Variants in ENO3 observed in about 807,000 individuals in gnomAD.
The protein encoded by ENO3 is enolase 3.
Under a neutral mutation model 47.7 loss-of-function variants are expected in ENO3, and 46 were observed. The observed-to-expected ratio is 0.96, with a 90% CI of 0.76 to 1.23. The LOEUF is 1.23. Among genes scored for constraint, ENO3 ranks in the 50% most tolerant of loss-of-function variants. ENO3 has a pLI of 0.00. For missense variants in ENO3, 575 were observed against 566.2 expected (o/e 1.02, Z -0.16); for synonymous variants, 223 against 225.9 (o/e 0.99, Z 0.11).
chr17:4,955,615 C>G lies in ENO3; in HGVS notation c.865+11C>G. 6.2e-7 allele frequency: 1 copy of G among 1,614,148 alleles called. No individual in the cohort carries two copies. Among genetic ancestry groups the G allele is most frequent in the Non-Finnish European group, 8.5e-7 (1 of 1,180,000 alleles). The stretch of plus-strand genomic sequence containing the variant: ...TCAAGAACTATCCTGGTGAGGCGTT[C>G]GGGTGTCCCAGTGTTCCTGCCCGAA... On this transcript the variant is annotated intron_variant, in intron 8 of 11. Coordinates refer to ENST00000519602, the MANE Select transcript of ENO3 (RefSeq NM_053013.4).
chr17:4,954,999 C>A, intron 6 of ENO3, 76 bp from the exon 7 acceptor site: 1 of 1,421,226 alleles, frequency 7.0e-7, no homozygotes, highest in Non-Finnish European at 9.7e-7. Context: ...GGTTTCCACC[C>A]CAACACCCCC....
chr17:4,952,956 A>G, intron 3 of ENO3, 66 bp downstream of exon 3: 2 of 1,610,130 alleles, frequency 1.2e-6, no homozygotes, highest in South Asian at 2.2e-5. Flanking sequence ...CACAATGGGT[A>G]GAGGACTGGA....
upstream of ENO3, among the ~76,000 whole-genome samples, chr17:4,949,758 C>T (rs1261248392): frequency 1.3e-5 from 2 of 152,112 alleles, no homozygotes; most frequent in African/African-American, 2.4e-5. Context: ...TTGGTTTTCT[C>T]TCTCCTCCCG....
At chr17:4,953,968 T>C (rs573411734) in intron 6 of ENO3, 123 bp downstream of exon 6, 70 of 1,460,080 alleles carry the variant, frequency 4.8e-5, no homozygotes, top group Middle Eastern at 4.2e-4. Flanking sequence ...TTTCCTGAAA[T>C]TGAATCTCTC....
At chr17:4,950,655 T>TG (rs35998003), upstream of ENO3, 6 of 985,110 alleles carry the variant, frequency 6.1e-6, no homozygotes, top group Non-Finnish European at 7.2e-6. Flanking sequence ...CCTTCTGGGG[T>TG]GGGGGGTCCC....
At chr17:4,955,004 A>ACCCCCCCC in intron 6 of ENO3, 71 bp from the exon 7 acceptor site, 1 of 1,389,922 alleles carries the variant, frequency 7.2e-7, no homozygotes, top group Non-Finnish European at 9.9e-7. Context: ...CCACCCCAAC[A>ACCCCCCCC]CCCCCCGCCC....
upstream of ENO3, chr17:4,951,063 C>A: frequency 1.0e-6 from 1 of 985,606 alleles, no homozygotes; most frequent in South Asian, 4.7e-5. Context: ...AGAGGCGGGG[C>A]TGGCTGGGGA....
chr17:4,951,940 T>G, intron 2 of ENO3, 26 bp downstream of exon 2: 1 of 1,613,366 alleles, frequency 6.2e-7, no homozygotes, highest in Non-Finnish European at 8.5e-7. Context: ...TTGGATAGGC[T>G]CGCCTCCGAA....
chr17:4,951,710 G>C, intron 1 of ENO3, 118 bp from the exon 2 acceptor site: 1 of 1,112,842 alleles, frequency 9.0e-7, no homozygotes, highest in East Asian at 2.4e-5. Flanking sequence ...CTTTTTGTAG[G>C]GTATTTTTAG....
chr17:4,954,228 T>G, intron 6 of ENO3: 1 of 303,424 alleles, frequency 3.3e-6, no homozygotes, highest in Non-Finnish European at 6.3e-6. Flanking sequence ...GAATGGAAAC[T>G]CTTTGAATTT....
upstream of ENO3, among the ~76,000 whole-genome samples, chr17:4,950,012 G>A (rs1011421079): frequency 1.3e-5 from 2 of 151,892 alleles, no homozygotes; most frequent in South Asian, 4.1e-4. Flanking sequence ...AGGGGAGACT[G>A]GACGGGTGGC....
chr17:4,956,967 C>T lies in ENO3; in HGVS notation c.1236-11C>T. On this transcript the variant is annotated splice_polypyrimidine_tract_variant and intron_variant, in intron 11 of 11. Coordinates refer to ENST00000519602, the MANE Select transcript of ENO3 (RefSeq NM_053013.4). ...GGAAGTTCAGCAGCCCTAACCTTGC[C>T]TGCATTCTAGGATCGAGGAGGCTCT... The T allele has an allele frequency of 3.1e-6, 5 of 1,614,226 alleles. No individual in the cohort carries two copies. Among genetic ancestry groups the T allele is most frequent in the Non-Finnish European group, 4.2e-6 (5 of 1,180,046 alleles).
upstream of ENO3, chr17:4,950,971 C>T (rs1022735763): frequency 1.0e-6 from 1 of 958,660 alleles, no homozygotes; most frequent in African/African-American, 1.8e-5. Flanking sequence ...GGGCAGGTGC[C>T]CAGGGCCAGA....
At chr17:4,953,005 G>T (rs1379986768) in intron 3 of ENO3, 46 bp from the exon 4 acceptor site, 1 of 1,613,432 alleles carries the variant, frequency 6.2e-7, no homozygotes, top group Admixed American at 1.7e-5. Context: ...CCACAGAAAG[G>T]GGCCCAGTTG....
chr17:4,952,752 G>A (rs750377748), intron 2 of ENO3, 43 bp from the exon 3 acceptor site: 14 of 1,569,296 alleles, frequency 8.9e-6, no homozygotes, highest in African/African-American at 2.7e-5. Flanking sequence ...ATGGGCCACC[G>A]CGCCCAGCCA....
upstream of ENO3, chr17:4,950,429 A>G: frequency 5.5e-6 from 2 of 366,948 alleles, no homozygotes; most frequent in Non-Finnish European, 7.6e-6. Flanking sequence ...GAGCGCCCAC[A>G]GTCGATGGGG....
Position 4,956,978 on chromosome 17 carries a change from G to C in ENO3, c.1236G>C (p.Arg412Ser), listed in dbSNP as rs747659088. 8.1e-6 allele frequency: 13 copies of C among 1,614,212 alleles called. No homozygotes were observed. In the Admixed American group the frequency reaches 2.0e-4, roughly 25 times the overall value. The change falls in exon 12 of 12, where the codon AGG becomes AGC. Residue 412 changes from arginine to serine, a missense_variant and splice_region_variant. By Grantham distance (110) the Arg-to-Ser change is moderately radical. Transcript: ENST00000519602. Reference sequence around the variant, plus strand: ...AGCCCTAACCTTGCCTGCATTCTAGGATCGAGGAGGCTCTTGGGGACAAGG... The same window carrying C: ...AGCCCTAACCTTGCCTGCATTCTAGCATCGAGGAGGCTCTTGGGGACAAGG... Reference protein sequence around the residue: ...ERLAKYNQLMRIEEALGDKAI... With the variant: ...ERLAKYNQLMSIEEALGDKAI...
chr17:4,950,660 G>T, upstream of ENO3: 3 of 985,480 alleles, frequency 3.0e-6, no homozygotes, highest in South Asian at 1.4e-4. Flanking sequence ...TGGGGTGGGG[G>T]GTCCCGTCCT....
At chr17:4,951,004 G>A, upstream of ENO3, 2 of 983,750 alleles carry the variant, frequency 2.0e-6, no homozygotes, top group Non-Finnish European at 1.2e-6. Context: ...AGGCTGTAGT[G>A]GGCACTTGGC....
Sources: allele counts gnomAD v4.1 joint callset (sites outside exome capture counted in the v4.1 genomes callset), GRCh38; gene constraint gnomAD v4.1.1; transcripts MANE v1.5; gene names NCBI Gene and HGNC (gene_info 2026-07-23, HGNC 2026-07-21).